The following KCNIP4 variants were observed in gnomAD, a reference collection of about 807,000 sequenced individuals.
KCNIP4 encodes potassium voltage-gated channel interacting protein 4.
In KCNIP4, 12 loss-of-function variants were observed where a neutral mutation model predicts 34.0. The ratio of observed to expected loss-of-function variants is 0.35; its 90% CI spans 0.23 to 0.57. KCNIP4 has a LOEUF of 0.57. Ranked by LOEUF, KCNIP4 falls within the 20% of genes least tolerant of loss-of-function variation. The pLI is 0.83. For missense variants in KCNIP4, 238 were observed against 311.7 expected (o/e 0.76, Z 1.78); for synonymous variants, 124 against 102.2 (o/e 1.21, Z -1.29).
chr4:20,944,577 G>A (rs1731994078), intron 1 of KCNIP4, among the ~76,000 whole-genome samples: 1 of 152,182 alleles, frequency 6.6e-6, no homozygotes, highest in Non-Finnish European at 1.5e-5. Flanking sequence ...CAAATCCACA[G>A]AGGCTGCCCC....
At chr4:21,587,278 A>G (rs1275416367) in intron 1 of KCNIP4, among the ~76,000 whole-genome samples, 1 of 152,082 alleles carries the variant, frequency 6.6e-6, no homozygotes, top group Non-Finnish European at 1.5e-5. Context: ...TTCTCATGTC[A>G]GAGACAGAAT....
chr4:21,151,233 A>G (rs943981587), intron 1 of KCNIP4, among the ~76,000 whole-genome samples: 2 of 152,116 alleles, frequency 1.3e-5, no homozygotes, highest in Non-Finnish European at 2.9e-5. Flanking sequence ...GATATCATCA[A>G]TCGAGTCCTA....
intron 1 of KCNIP4, among the ~76,000 whole-genome samples, chr4:20,943,376 T>G (rs1384437450): frequency 6.6e-6 from 1 of 152,208 alleles, no homozygotes; most frequent in Non-Finnish European, 1.5e-5. Context: ...GAGCATCTAT[T>G]AATAGCTGAA....
chr4:20,967,887 A>C (rs1734533947), intron 1 of KCNIP4, among the ~76,000 whole-genome samples: 1 of 152,234 alleles, frequency 6.6e-6, no homozygotes, highest in South Asian at 2.1e-4. Context: ...CTTCATGACT[A>C]ACACACCAAA....
chr4:21,849,801 A>G (rs1443305731), intron 1 of KCNIP4: 2 of 152,066 alleles, frequency 1.3e-5, no homozygotes, highest in Non-Finnish European at 2.9e-5. Flanking sequence ...CAAGTTGATA[A>G]TACTAAATTA....
At chr4:21,218,058 C>T in intron 1 of KCNIP4, among the ~76,000 whole-genome samples, 1 of 150,890 alleles carries the variant, frequency 6.6e-6, no homozygotes, top group Middle Eastern at 3.4e-3. Context: ...TGTTGTTGCC[C>T]AGGCTGGAGT....
chr4:21,833,495 T>C (rs531021036), intron 1 of KCNIP4, among the ~76,000 whole-genome samples: 2 of 152,308 alleles, frequency 1.3e-5, no homozygotes, highest in African/African-American at 4.8e-5. Context: ...ATATTAGCCC[T>C]TTGTCAGATG....
chr4:21,636,678 C>A (rs1421929103), intron 1 of KCNIP4, among the ~76,000 whole-genome samples: 3 of 152,216 alleles, frequency 2.0e-5, no homozygotes, highest in East Asian at 3.9e-4. Context: ...AGGCACATAA[C>A]CTCAGTCAAG....
intron 1 of KCNIP4, among the ~76,000 whole-genome samples, chr4:21,116,267 G>A (rs1438921340): frequency 6.6e-6 from 1 of 152,188 alleles, no homozygotes; most frequent in Non-Finnish European, 1.5e-5. Flanking sequence ...AAGCATGCAT[G>A]CCCTTGGAAT....
intron 2 of KCNIP4, among the ~76,000 whole-genome samples, chr4:20,855,536 A>C (rs1354820470): frequency 2.0e-5 from 3 of 152,118 alleles, no homozygotes; most frequent in Non-Finnish European, 2.9e-5. Context: ...CCTCTTGCTA[A>C]CATCTGTTCC....
At chr4:21,628,194 T>A (rs1302753430) in intron 1 of KCNIP4, among the ~76,000 whole-genome samples, 1 of 152,208 alleles carries the variant, frequency 6.6e-6, no homozygotes, top group Non-Finnish European at 1.5e-5. Flanking sequence ...ATGGATATTT[T>A]ACTTCCTTTC....
intron 1 of KCNIP4, among the ~76,000 whole-genome samples, chr4:21,649,209 GAAGAGA>G: frequency 6.6e-6 from 1 of 152,186 alleles, no homozygotes; most frequent in East Asian, 1.9e-4. Flanking sequence ...AAAAGCATCA[GAAGAGA>G]AAGATAATTA....
intron 1 of KCNIP4, among the ~76,000 whole-genome samples, chr4:20,995,376 T>G (rs975343287): frequency 2.6e-5 from 4 of 152,328 alleles, no homozygotes; most frequent in East Asian, 1.9e-4. Context: ...AAGCATTCAT[T>G]GCAGGCACAA....
intron 1 of KCNIP4, among the ~76,000 whole-genome samples, chr4:21,700,070 T>C (rs111466314): frequency 0.027 from 4,064 of 152,276 alleles, 158 homozygotes; most frequent in African/African-American, 0.091. Flanking sequence ...CATGAATAAC[T>C]GAATGGGTAA....
At chr4:20,896,226 G>A (rs915257753) in intron 1 of KCNIP4, among the ~76,000 whole-genome samples, 9 of 152,092 alleles carry the variant, frequency 5.9e-5, no homozygotes, top group Non-Finnish European at 1.0e-4. Context: ...GACAAGTCAA[G>A]TGCTATTCAT....
chr4:21,248,959 G>C (rs1031375050), intron 1 of KCNIP4, among the ~76,000 whole-genome samples: 12 of 152,098 alleles, frequency 7.9e-5, no homozygotes, highest in Admixed American at 3.9e-4. Context: ...GCCAACCCAA[G>C]TGGTCAACCA....
chr4:21,503,825 T>A (rs1211434672), intron 1 of KCNIP4, among the ~76,000 whole-genome samples: 4 of 152,320 alleles, frequency 2.6e-5, no homozygotes, highest in East Asian at 1.9e-4. Context: ...ATGCTTCATA[T>A]TTCATGAGAG....
At position 21,901,585 on chromosome 4, in the gene KCNIP4, T is replaced by G. The variant is rs988825321; in HGVS notation, c.61+46986A>C. Reference sequence around the variant, plus strand: ...AGTGGGGGCTGGAATTATGGGTGATTTTTTATTCTCTTCTACATACTGGCA... The same window carrying G: ...AGTGGGGGCTGGAATTATGGGTGATGTTTTATTCTCTTCTACATACTGGCA... On this transcript the variant is annotated intron_variant, in intron 1 of 8. Coordinates refer to ENST00000382152, the MANE Select transcript of KCNIP4 (RefSeq NM_025221.6). 2.0e-5 allele frequency among the ~76,000 whole-genome samples: 3 copies of G among 152,170 alleles called. No homozygotes were observed. The East Asian group carries it at 5.8e-4, about 29-fold the overall frequency.
chr4:20,982,205 A>G (rs1371974863), intron 1 of KCNIP4, among the ~76,000 whole-genome samples: 2 of 152,178 alleles, frequency 1.3e-5, no homozygotes, highest in Admixed American at 6.5e-5. Context: ...TCCTCAATAC[A>G]TTTGTGGAGG....
Sources: allele counts gnomAD v4.1 joint callset (sites outside exome capture counted in the v4.1 genomes callset), GRCh38; gene constraint gnomAD v4.1.1; transcripts MANE v1.5; gene names NCBI Gene and HGNC (gene_info 2026-07-23, HGNC 2026-07-21).